Variants in SLC8A1 observed in about 807,000 individuals in gnomAD.
SLC8A1 encodes sodium/calcium exchanger 1.
Under a neutral mutation model 68.3 loss-of-function variants are expected in SLC8A1, and 18 were observed. The observed-to-expected ratio is 0.26, with a 90% CI of 0.18 to 0.39. SLC8A1 has a LOEUF of 0.39. Ranked by LOEUF, SLC8A1 falls within the 10% of genes least tolerant of loss-of-function variation. SLC8A1 has a pLI of 1.00. For synonymous variants in SLC8A1, 475 were observed against 415.5 expected (o/e 1.14, Z -1.74); for missense variants, 985 against 1,156.7 (o/e 0.85, Z 2.15).
intron 2 of SLC8A1, among the ~76,000 whole-genome samples, chr2:40,219,474 T>G (rs2148827850): frequency 6.6e-6 from 1 of 152,326 alleles, no homozygotes; most frequent in East Asian, 1.9e-4. Context: ...ATTGAAGACA[T>G]TAGATATTTT....
chr2:40,483,715 C>T (rs1292137261), intron 1 of SLC8A1, among the ~76,000 whole-genome samples: 1 of 152,198 alleles, frequency 6.6e-6, no homozygotes, highest in East Asian at 1.9e-4. Context: ...TAAAAGATGG[C>T]TGACGTACTT....
chr2:40,431,346 T>C (rs933022090), intron 1 of SLC8A1, among the ~76,000 whole-genome samples: 1 of 151,906 alleles, frequency 6.6e-6, no homozygotes, highest in Non-Finnish European at 1.5e-5. Context: ...ATAATTCCAT[T>C]TAAATTAGCT....
At chr2:40,291,189 G>A (rs1213520526) in intron 2 of SLC8A1, among the ~76,000 whole-genome samples, 1 of 152,052 alleles carries the variant, frequency 6.6e-6, no homozygotes, top group Non-Finnish European at 1.5e-5. Context: ...AAGAAGCTTT[G>A]TGCTGTTGAT....
intron 2 of SLC8A1, among the ~76,000 whole-genome samples, chr2:40,307,864 A>G (rs2072954938): frequency 6.6e-6 from 1 of 152,154 alleles, no homozygotes; most frequent in Admixed American, 6.5e-5. Flanking sequence ...AGGCTGCCCT[A>G]TACAGGAAGC....
intron 1 of SLC8A1, among the ~76,000 whole-genome samples, chr2:40,498,666 T>C (rs1436927168): frequency 6.6e-6 from 1 of 152,082 alleles, no homozygotes; most frequent in East Asian, 1.9e-4. Context: ...TCTAGATGAA[T>C]AGTGAGTGGG....
At chr2:40,418,962 G>A (rs989997815) in intron 2 of SLC8A1, among the ~76,000 whole-genome samples, 1 of 152,192 alleles carries the variant, frequency 6.6e-6, no homozygotes, top group Non-Finnish European at 1.5e-5. Context: ...CCAGTGGCAA[G>A]AGCCCCATCA....
intron 1 of SLC8A1, among the ~76,000 whole-genome samples, chr2:40,432,309 G>T (rs977917429): frequency 1.3e-5 from 2 of 151,052 alleles, no homozygotes; most frequent in African/African-American, 4.9e-5. Context: ...TAATGGTGGA[G>T]GAAACAAACA....
At chr2:40,115,170 A>C in exon 8 of SLC8A1, 1 of 1,023,698 alleles carries the variant, frequency 9.8e-7, no homozygotes, top group Non-Finnish European at 1.3e-6. Flanking sequence ...GAACATGACA[A>C]ATGTCAGTTT....
chr2:40,222,005 A>G (rs368354172), intron 2 of SLC8A1, among the ~76,000 whole-genome samples: 18 of 152,314 alleles, frequency 1.2e-4, no homozygotes, highest in African/African-American at 3.1e-4. Context: ...TCATCACAGA[A>G]TTAGAAAAAG....
At chr2:40,313,357 T>A (rs1216666426) in intron 2 of SLC8A1, among the ~76,000 whole-genome samples, 1 of 152,108 alleles carries the variant, frequency 6.6e-6, no homozygotes, top group African/African-American at 2.4e-5. Context: ...CTAATAGATA[T>A]CTAGGTTGTT....
intron 1 of SLC8A1, among the ~76,000 whole-genome samples, chr2:40,446,824 G>A (rs1207226280): frequency 1.3e-5 from 2 of 152,216 alleles, no homozygotes; most frequent in Admixed American, 6.5e-5. Flanking sequence ...GAAAACGTGT[G>A]TAAAGCATTC....
At chr2:40,389,271 T>C (rs982071453) in intron 2 of SLC8A1, among the ~76,000 whole-genome samples, 2 of 152,068 alleles carry the variant, frequency 1.3e-5, no homozygotes, top group African/African-American at 4.8e-5. Context: ...CTTTATAATG[T>C]TGTGAATCCC....
intron 6 of SLC8A1, among the ~76,000 whole-genome samples, chr2:40,141,290 A>G (rs933343749): frequency 9.2e-5 from 14 of 152,224 alleles, no homozygotes; most frequent in African/African-American, 3.4e-4. Context: ...CTCTGAAAGC[A>G]CAAGAGATTT....
At chr2:40,277,870 C>T (rs979675122) in intron 2 of SLC8A1, among the ~76,000 whole-genome samples, 2 of 143,096 alleles carry the variant, frequency 1.4e-5, no homozygotes, top group African/African-American at 5.2e-5. Flanking sequence ...AGGGCACTGT[C>T]CTAAGGATAT....
At chr2:40,293,656 G>A (rs1185591043) in intron 2 of SLC8A1, among the ~76,000 whole-genome samples, 1 of 152,136 alleles carries the variant, frequency 6.6e-6, no homozygotes, top group Non-Finnish European at 1.5e-5. Context: ...GAAGGGCAGA[G>A]AAAGCAACTC....
chr2:40,350,630 A>G (rs1280418103), intron 2 of SLC8A1, among the ~76,000 whole-genome samples: 1 of 139,486 alleles, frequency 7.2e-6, no homozygotes, highest in East Asian at 2.2e-4. Context: ...AGGCATTTCC[A>G]TGTATGGCTG....
At chr2:40,433,971 G>T (rs1576459404) in intron 1 of SLC8A1, among the ~76,000 whole-genome samples, 1 of 152,138 alleles carries the variant, frequency 6.6e-6, no homozygotes, top group Non-Finnish European at 1.5e-5. Flanking sequence ...TAACATGAGG[G>T]CTAGCATGTT....
intron 2 of SLC8A1, among the ~76,000 whole-genome samples, chr2:40,238,611 G>A (rs383073): frequency 0.14 from 21,512 of 152,142 alleles, 1,914 homozygotes; most frequent in African/African-American, 0.23. Flanking sequence ...GTTCCTATTC[G>A]GCCATCTTGG....
chr2:40,449,918 T>A (rs1253702228), intron 1 of SLC8A1, among the ~76,000 whole-genome samples: 2 of 152,204 alleles, frequency 1.3e-5, no homozygotes, highest in African/African-American at 4.8e-5. Flanking sequence ...ACAACCATTT[T>A]AAGGGGACAA....
Sources: allele counts gnomAD v4.1 joint callset (sites outside exome capture counted in the v4.1 genomes callset), GRCh38; gene constraint gnomAD v4.1.1; transcripts MANE v1.5; gene names NCBI Gene and HGNC (gene_info 2026-07-23, HGNC 2026-07-21).